ADRA1A: variants seen among roughly 807,000 people sequenced by gnomAD.
The protein encoded by ADRA1A is adrenoceptor alpha 1A.
In ADRA1A, 31 loss-of-function variants were observed where a neutral mutation model predicts 29.6. The observed-to-expected ratio is 1.05, with a 90% CI of 0.79 to 1.41. The LOEUF (loss-of-function observed/expected upper bound fraction) is 1.41, where lower values mean the gene tolerates loss of function less well. ADRA1A is among the 40% of genes most tolerant of loss of function. The pLI, the probability that ADRA1A is intolerant of heterozygous loss-of-function variation, is 0.00. For missense variants in ADRA1A, 619 were observed against 601.1 expected (o/e 1.03, Z -0.31); for synonymous variants, 311 against 254.3 (o/e 1.22, Z -2.12).
chr8:26,829,621 A>G (rs1188554952), intron 2 of ADRA1A, among the ~76,000 whole-genome samples: 1 of 152,228 alleles, frequency 6.6e-6, no homozygotes, highest in African/African-American at 2.4e-5. Flanking sequence ...ATATGATAAC[A>G]TGCTTAATCA....
Position 26,864,142 on chromosome 8 carries a change from GA to G in ADRA1A, c.827del (p.Ile276ThrfsTer15). ...AGCAGAGGACGAAGCAGCCGACCAC[GA>G]TGCCCAGCGTTTTGGCCGCTTTCTT... ...REKKAAKTLGIVVGCFVLCWL... is the reference protein window; with the variant it reads ...REKKAAKTLGXVVGCFVLCWL... On this transcript the variant is annotated frameshift_variant, in exon 2 of 3. Transcript: ENST00000380573. LOFTEE classifies it high-confidence loss of function. The surrounding 1 kb of genome is among the most constrained non-coding windows in gnomAD (Gnocchi z 8.1). 1 of 1,614,170 alleles carries G rather than the reference GA, an allele frequency of 6.2e-7. No individual in the cohort carries two copies.
intron 2 of ADRA1A, among the ~76,000 whole-genome samples, chr8:26,859,600 C>T (rs1281850249): frequency 2.0e-5 from 3 of 152,084 alleles, no homozygotes; most frequent in Non-Finnish European, 4.4e-5. Context: ...GAGCCTGGTG[C>T]TTATTACATA....
intron 2 of ADRA1A, among the ~76,000 whole-genome samples, chr8:26,858,711 C>T (rs576715190): frequency 2.1e-4 from 32 of 152,204 alleles, no homozygotes; most frequent in Non-Finnish European, 4.0e-4. Flanking sequence ...CTGACACCGT[C>T]ATAGTCTCTC....
At chr8:26,754,881 A>G (rs530417717), downstream of ADRA1A, among the ~76,000 whole-genome samples, 70 of 152,220 alleles carry the variant, frequency 4.6e-4, no homozygotes, top group Middle Eastern at 6.8e-3. Flanking sequence ...ACACTCTTTC[A>G]TACGCTTCAA....
At chr8:26,798,079 A>G (rs1808311574) in intron 2 of ADRA1A, among the ~76,000 whole-genome samples, 1 of 152,088 alleles carries the variant, frequency 6.6e-6, no homozygotes, top group Admixed American at 6.5e-5. Context: ...CCCAGGCTCA[A>G]GTGATTCTCC....
intron 2 of ADRA1A, among the ~76,000 whole-genome samples, chr8:26,855,392 T>C (rs1410787819): frequency 6.7e-6 from 1 of 148,290 alleles, no homozygotes; most frequent in Non-Finnish European, 1.5e-5. Context: ...TTATCTTCAA[T>C]GTATAAAATG....
intron 2 of ADRA1A, among the ~76,000 whole-genome samples, chr8:26,849,930 C>A (rs546606213): frequency 7.1e-6 from 1 of 140,168 alleles, no homozygotes; most frequent in Non-Finnish European, 1.5e-5. Flanking sequence ...TTGTGTATTA[C>A]AAAAACCAAA....
intron 2 of ADRA1A, among the ~76,000 whole-genome samples, chr8:26,750,460 C>T (rs1410121517): frequency 6.6e-6 from 1 of 152,124 alleles, no homozygotes; most frequent in East Asian, 1.9e-4. Flanking sequence ...CCTCGGCCTC[C>T]GAACGTGCTG....
intron 2 of ADRA1A, among the ~76,000 whole-genome samples, chr8:26,802,942 G>A (rs1808696455): frequency 6.6e-6 from 1 of 152,118 alleles, no homozygotes; most frequent in African/African-American, 2.4e-5. Flanking sequence ...TGGAACTGGA[G>A]GACATTTTGT....
At chr8:26,812,962 G>A (rs756384794) in intron 2 of ADRA1A, among the ~76,000 whole-genome samples, 1 of 150,004 alleles carries the variant, frequency 6.7e-6, no homozygotes, top group Non-Finnish European at 1.5e-5. Flanking sequence ...TACCACGCCC[G>A]GCCTGCCTTT....
chr8:26,820,147 T>C (rs923088644), intron 2 of ADRA1A, among the ~76,000 whole-genome samples: 1 of 152,152 alleles, frequency 6.6e-6, no homozygotes, highest in Non-Finnish European at 1.5e-5. Context: ...ATAATAATAG[T>C]AGTGAACTTC....
Position 26,770,869 on chromosome 8 carries a change from C to T in ADRA1A, c.884-203G>A, listed in dbSNP as rs1430296203. On this transcript the variant is annotated intron_variant, in intron 2 of 2. Coordinates refer to ENST00000380573, the MANE Select transcript of ADRA1A (RefSeq NM_000680.4). ...CTTCAAAGACCATTCCTACTTGGTC[C>T]GCGTGTGTCATTAATTACAGGAGCA... Among the ~76,000 whole-genome samples, 8 of 152,224 alleles carry T rather than the reference C, an allele frequency of 5.3e-5. No individual in the cohort carries two copies. The South Asian group carries it at 1.2e-3, about 24-fold the overall frequency.
intron 2 of ADRA1A, among the ~76,000 whole-genome samples, chr8:26,857,267 T>G (rs538219222): frequency 6.6e-6 from 1 of 152,248 alleles, no homozygotes; most frequent in South Asian, 2.1e-4. Flanking sequence ...CTGACGTACT[T>G]TTGACCATAG....
Position 26,770,106 on chromosome 8 carries a change from G to A in ADRA1A, c.*43C>T. On this transcript the variant is annotated 3_prime_UTR_variant, in exon 3 of 3. Transcript: ENST00000380573. ...TGGCCTTCCGAGAAGGAAGTGGGGT[G>A]GGTACCTAAGATTATTCCCCTTTCC... 1 of 1,516,810 alleles carries A rather than the reference G, an allele frequency of 6.6e-7. No homozygotes were observed. The highest frequency in any genetic ancestry group is 8.8e-7 in the Non-Finnish European group (1 of 1,133,576). The allele number at this position is 1,516,810 out of a possible 1,614,324, so 94.0% of individuals were successfully genotyped here. A position where few individuals can be genotyped will look rare whatever the true frequency, so the allele number is the denominator to read the frequency against.
chr8:26,776,604 C>T (rs1806565566), intron 2 of ADRA1A, among the ~76,000 whole-genome samples: 1 of 152,282 alleles, frequency 6.6e-6, no homozygotes, highest in South Asian at 2.1e-4. Flanking sequence ...TCTTTGTGTG[C>T]CGTTTAGCAA....
intron 2 of ADRA1A, among the ~76,000 whole-genome samples, chr8:26,850,024 G>A (rs1232501276): frequency 9.6e-5 from 2 of 20,794 alleles, no homozygotes; most frequent in Non-Finnish European, 2.2e-4. Flanking sequence ...AGAGAGAAAT[G>A]CAAAAACAAA....
rs575143683 is a variant in ADRA1A at position 26,831,210 on chromosome 8, T to C, written c.883+32877A>G. Among the ~76,000 whole-genome samples, 1 of 152,278 alleles carries C rather than the reference T, an allele frequency of 6.6e-6. No individual in the cohort carries two copies. The highest frequency in any genetic ancestry group is 1.5e-5 in the Non-Finnish European group (1 of 68,020). ...AAGAAGATTAAGATAATAGCATGCC[T>C]AACATAGCTAATAAGAGAGATTTAA... On this transcript the variant is annotated intron_variant, in intron 2 of 2. Transcript: ENST00000380573. The surrounding 1 kb of genome is among the most constrained non-coding windows in gnomAD (Gnocchi z 5.2).
chr8:26,789,916 C>T (rs952639863), intron 2 of ADRA1A, among the ~76,000 whole-genome samples: 21 of 151,992 alleles, frequency 1.4e-4, no homozygotes, highest in Non-Finnish European at 4.4e-5. Context: ...ATCTTCTTAC[C>T]CCAGTAAAAA....
intron 2 of ADRA1A, among the ~76,000 whole-genome samples, chr8:26,818,221 A>G (rs117261052): frequency 0.014 from 2,102 of 152,342 alleles, 18 homozygotes; most frequent in Middle Eastern, 0.024. Flanking sequence ...TGTGGGTAAT[A>G]GAACTTTTCT....
Sources: gnomAD v4.1 joint callset for allele counts (sites outside exome capture counted in the v4.1 genomes callset) on GRCh38, gnomAD v4.1.1 for gene constraint, Gnocchi (gnomAD v3.1) non-coding constraint, MANE v1.5 for transcripts, NCBI Gene and HGNC (gene_info 2026-07-23, HGNC 2026-07-21) for gene names.